The following THRB variants were observed in gnomAD, a reference collection of about 807,000 sequenced individuals.
THRB encodes the protein nuclear receptor subfamily 1 group A member 2.
A neutral mutation model predicts 47.8 loss-of-function variants in THRB; 12 were observed. The ratio of observed to expected loss-of-function variants is 0.25; its 90% CI spans 0.16 to 0.41. THRB has a LOEUF of 0.41. THRB is among the 10% of genes least tolerant of loss of function. The pLI, the probability that THRB is intolerant of heterozygous loss-of-function variation, is 1.00. For missense variants in THRB, 348 were observed against 589.2 expected, an observed-to-expected ratio of 0.59 and a Z score of 4.24; for synonymous variants, 218 against 212.2, an observed-to-expected ratio of 1.03 and a Z score of -0.24.
chr3:24,250,303 G>T (rs1376772128), intron 3 of THRB, among the ~76,000 whole-genome samples: 1 of 152,168 alleles, frequency 6.6e-6, no homozygotes, highest in Non-Finnish European at 1.5e-5. Context: ...AGTATTGACT[G>T]CCTGTTGGTG....
chr3:24,235,355 C>T (rs1359915752), intron 3 of THRB, among the ~76,000 whole-genome samples: 3 of 152,140 alleles, frequency 2.0e-5, no homozygotes, highest in East Asian at 1.9e-4. Context: ...AATCTTTCCA[C>T]GTAGACCTGG....
intron 3 of THRB, among the ~76,000 whole-genome samples, chr3:24,264,097 G>A (rs1010609043): frequency 3.3e-5 from 5 of 152,154 alleles, no homozygotes; most frequent in Non-Finnish European, 7.3e-5. Context: ...CACACTCAGG[G>A]TAAAAACCAA....
rs138485981 is a variant in THRB at position 24,444,697 on chromosome 3, C to T, written c.-261+49955G>A. ...CGGCTCACTGCAACCTTGTGCCTTC[C>T]GGGTTCGAGCCTCTCAAGTAGCTGG... On this transcript the variant is annotated intron_variant, in intron 1 of 10. Transcript: ENST00000646209. 6.5e-3 allele frequency among the ~76,000 whole-genome samples: 986 copies of T among 152,138 alleles called. 14 individuals carry two copies. Among genetic ancestry groups the T allele is most frequent in the African/African-American group, 0.022 (895 of 41,516 alleles).
intron 1 of THRB, among the ~76,000 whole-genome samples, chr3:24,409,139 C>G (rs964305310): frequency 6.6e-6 from 1 of 151,622 alleles, no homozygotes; most frequent in Non-Finnish European, 1.5e-5. Flanking sequence ...TTTAGGTACC[C>G]GAAATGTCAT....
chr3:24,170,493 T>C (rs1204289969), intron 5 of THRB, among the ~76,000 whole-genome samples: 7 of 152,206 alleles, frequency 4.6e-5, no homozygotes, highest in Admixed American at 2.0e-4. Flanking sequence ...TTGTACTGTA[T>C]TTAGAACAAA....
chr3:24,420,504 C>G (rs1362113476), intron 1 of THRB, among the ~76,000 whole-genome samples: 1 of 151,814 alleles, frequency 6.6e-6, no homozygotes, highest in Non-Finnish European at 1.5e-5. Context: ...TATGAAACTT[C>G]CACACCTCAG....
chr3:24,242,035 G>C (rs551998659), intron 3 of THRB, among the ~76,000 whole-genome samples: 1 of 152,290 alleles, frequency 6.6e-6, no homozygotes, highest in African/African-American at 2.4e-5. Context: ...ATTTCTTGAA[G>C]CTAGGGCAGC....
At chr3:24,204,419 C>A (rs577276569) in intron 4 of THRB, among the ~76,000 whole-genome samples, 1 of 152,314 alleles carries the variant, frequency 6.6e-6, no homozygotes, top group East Asian at 1.9e-4. Flanking sequence ...CTAGCAAACT[C>A]CAACAGACCT....
At chr3:24,293,733 G>T (rs1214686700) in intron 3 of THRB, among the ~76,000 whole-genome samples, 2 of 152,156 alleles carry the variant, frequency 1.3e-5, no homozygotes, top group African/African-American at 2.4e-5. Context: ...GGCCATCTAG[G>T]GTAGGGAGGC....
intron 1 of THRB, among the ~76,000 whole-genome samples, chr3:24,469,307 C>T (rs530642965): frequency 5.3e-5 from 8 of 152,214 alleles, no homozygotes; most frequent in South Asian, 2.1e-4. Context: ...GAGCTCAATA[C>T]GTTCATGAGT....
chr3:24,249,081 C>G (rs940574577), intron 3 of THRB, among the ~76,000 whole-genome samples: 1 of 152,162 alleles, frequency 6.6e-6, no homozygotes, highest in African/African-American at 2.4e-5. Flanking sequence ...ACACCGTTGA[C>G]TTAATGCAAA....
chr3:24,340,685 T>G (rs1329715048), intron 1 of THRB, among the ~76,000 whole-genome samples: 1 of 152,208 alleles, frequency 6.6e-6, no homozygotes, highest in Admixed American at 6.5e-5. Context: ...TCAATAGAAT[T>G]GGCCATTCAA....
intron 1 of THRB, among the ~76,000 whole-genome samples, chr3:24,417,136 A>G (rs55854931): frequency 0.66 from 100,349 of 151,174 alleles, 33,605 homozygotes; most frequent in Admixed American, 0.67. Flanking sequence ...ACACACACAC[A>G]CACGCGCAAC....
chr3:24,363,894 T>C (rs1399624341), intron 1 of THRB, among the ~76,000 whole-genome samples: 1 of 152,166 alleles, frequency 6.6e-6, no homozygotes, highest in African/African-American at 2.4e-5. Flanking sequence ...TTCTCTAATA[T>C]ACATAAAAAC....
intron 4 of THRB, among the ~76,000 whole-genome samples, chr3:24,218,857 C>A (rs1366654087): frequency 6.6e-6 from 1 of 152,032 alleles, no homozygotes. Flanking sequence ...CTTCAGACCC[C>A]AAAATGGAAG....
At chr3:24,317,214 A>T (rs2058177931) in intron 2 of THRB, among the ~76,000 whole-genome samples, 1 of 152,174 alleles carries the variant, frequency 6.6e-6, no homozygotes, top group South Asian at 2.1e-4. Context: ...TGAGCAGGTT[A>T]TTTAATATCT....
At chr3:24,179,181 G>A (rs2041576364) in intron 5 of THRB, among the ~76,000 whole-genome samples, 1 of 152,144 alleles carries the variant, frequency 6.6e-6, no homozygotes, top group African/African-American at 2.4e-5. Context: ...CTCCAGCTCT[G>A]GTCCTCACCT....
intron 9 of THRB, among the ~76,000 whole-genome samples, chr3:24,131,810 A>T (rs900266083): frequency 1.3e-5 from 2 of 152,204 alleles, no homozygotes; most frequent in Non-Finnish European, 2.9e-5. Context: ...AGCCTCCAGA[A>T]CTGTAAGACA....
chr3:24,424,659 C>G (rs1162470558), intron 1 of THRB, among the ~76,000 whole-genome samples: 1 of 151,958 alleles, frequency 6.6e-6, no homozygotes, highest in Non-Finnish European at 1.5e-5. Context: ...CATAAATTTT[C>G]ACAGCCTAGA....
Sources: gnomAD v4.1 joint callset for allele counts (sites outside exome capture counted in the v4.1 genomes callset) on GRCh38, gnomAD v4.1.1 for gene constraint, MANE v1.5 for transcripts, NCBI Gene and HGNC (gene_info 2026-07-23, HGNC 2026-07-21) for gene names.